Variants in ARHGEF15 observed in about 807,000 individuals in gnomAD.
The protein encoded by ARHGEF15 is Rho guanine nucleotide exchange factor (GEF) 15.
In ARHGEF15, 58 loss-of-function variants were observed where a neutral mutation model predicts 79.7. The ratio of observed to expected loss-of-function variants is 0.73; its 90% CI spans 0.59 to 0.91. The LOEUF (loss-of-function observed/expected upper bound fraction) is 0.91, where lower values mean the gene tolerates loss of function less well. Ranked by LOEUF, ARHGEF15 falls within the 40% of genes least tolerant of loss-of-function variation. ARHGEF15 has a pLI of 0.00. For missense variants in ARHGEF15, 1,012 were observed against 1,108.1 expected, an observed-to-expected ratio of 0.91 and a Z score of 1.23; for synonymous variants, 442 against 456.0, an observed-to-expected ratio of 0.97 and a Z score of 0.39.
In ARHGEF15 at chr17:8,315,463, G is replaced by A; in HGVS notation, c.1310G>A (p.Arg437Gln). ...TSEASYLRSLRLLTDTFVLSQ... is the reference protein window; with the variant it reads ...TSEASYLRSLQLLTDTFVLSQ... Reference sequence around the variant, plus strand: ...GAGGCTTCCTACCTGCGCTCCCTGCGGCTGCTGACCGACACCTTCGTGCTG... The same window carrying A: ...GAGGCTTCCTACCTGCGCTCCCTGCAGCTGCTGACCGACACCTTCGTGCTG... The change falls in exon 7 of 16, where the codon CGG becomes CAG. Residue 437 changes from arginine (R) to glutamine (Q), a missense_variant. Transcript: ENST00000361926. The surrounding 1 kb of genome is among the most constrained non-coding windows in gnomAD (Gnocchi z 4.3). The A allele has an allele frequency of 1.9e-6, 3 of 1,613,798 alleles. No individual in the cohort carries two copies. Among genetic ancestry groups the A allele is most frequent in the Non-Finnish European group, 2.5e-6 (3 of 1,180,004 alleles).
rs1442336687 is a variant in ARHGEF15 at position 8,318,551 on chromosome 17, C to T, written c.1780-19C>T. Reference sequence around the variant, plus strand: ...AGGGGGCTGGCCGCTGGGGTGGTGACACAGCTCCCCTTACCTAGATCATCG... The same window carrying T: ...AGGGGGCTGGCCGCTGGGGTGGTGATACAGCTCCCCTTACCTAGATCATCG... On this transcript the variant is annotated intron_variant, in intron 10 of 15. Transcript: ENST00000361926. The surrounding 1 kb of genome is among the most constrained non-coding windows in gnomAD (Gnocchi z 5.0). The T allele has an allele frequency of 6.2e-7, 1 of 1,612,566 alleles. No homozygotes were observed. Among genetic ancestry groups the T allele is most frequent in the Non-Finnish European group, 8.5e-7 (1 of 1,178,940 alleles).
chr17:8,312,927 G>T lies in ARHGEF15; in HGVS notation c.607G>T (p.Gly203Cys). 1 of 1,574,552 alleles carries T rather than the reference G, an allele frequency of 6.4e-7. No individual in the cohort carries two copies. The highest frequency in any genetic ancestry group is 8.6e-7 in the Non-Finnish European group (1 of 1,161,124). ...GSQENGAPDA[G>C]LACPPCCPCV... is the part of the protein sequence containing the mutation. ...AGGCTACCTGTCTCCCACAGATGCT[G>T]GCCTGGCCTGCCCTCCCTGCTGCCC... is the stretch of plus-strand genomic sequence containing the variant. Residue 203 changes from glycine to cysteine, a missense_variant, in exon 3 of 16, where the codon GGC becomes TGC. Gly to Cys is a radical substitution (Grantham distance 159). Around this residue, in one of 3 missense-constraint regions of ARHGEF15, gnomAD observed 818 missense variants for 882.5 expected, o/e 0.93. Coordinates refer to ENST00000361926, the MANE Select transcript of ARHGEF15 (RefSeq NM_173728.4).
rs147150644 is a variant in ARHGEF15 at position 8,319,558 on chromosome 17, C to T, written c.2329C>T (p.Leu777=). The change falls in exon 15 of 16, where the codon CTG becomes TTG. Residue 777 remains leucine, a synonymous_variant. Transcript: ENST00000361926. ...SAPAKTEGRS[L]ESRAAPKHLH... is the part of the protein sequence containing the mutation. ...ACCTGCCAAGACTGAAGGACGGAGTCTGGAGTCCAGGGCTGCCCCCAAACA... is the reference window on the plus strand; with the variant it reads ...ACCTGCCAAGACTGAAGGACGGAGTTTGGAGTCCAGGGCTGCCCCCAAACA... 11 of 1,611,134 alleles carry T rather than the reference C, an allele frequency of 6.8e-6. No individual in the cohort carries two copies. The highest frequency in any genetic ancestry group is 9.3e-6 in the Non-Finnish European group (11 of 1,179,130).
At position 8,321,142 on chromosome 17, in the gene ARHGEF15, A is replaced by T; in HGVS notation, c.*149A>T. The T allele has an allele frequency of 1.5e-5, 16 of 1,076,548 alleles. No homozygotes were observed. Among genetic ancestry groups the T allele is most frequent in the East Asian group, 2.6e-5 (1 of 38,256 alleles). 66.7% of individuals were successfully genotyped at this position (1,076,548 alleles called of 1,614,324 possible). A position where few individuals can be genotyped will look rare whatever the true frequency, so the allele number is the denominator to read the frequency against. On this transcript the variant is annotated 3_prime_UTR_variant, in exon 16 of 16. Coordinates refer to ENST00000361926, the MANE Select transcript of ARHGEF15 (RefSeq NM_173728.4). ...ATCGAGCTTCAGGACAGAGCAGCCA[A>T]TGAAAACGGCCGCCTGAACCCACAG... is the stretch of plus-strand genomic sequence containing the variant.
Position 8,316,165 on chromosome 17 carries a change from C to A in ARHGEF15, c.1704+17C>A, listed in dbSNP as rs773971384. On this transcript the variant is annotated intron_variant, in intron 9 of 15. Coordinates refer to ENST00000361926, the MANE Select transcript of ARHGEF15 (RefSeq NM_173728.4). ...CTGCTGCAGGTACCTGTCCCAGCTG[C>A]GGCCGTTTCTGCCCCACCAACCCCA... 1 of 1,596,828 alleles carries A rather than the reference C, an allele frequency of 6.3e-7. No individual in the cohort carries two copies. The highest frequency in any genetic ancestry group is 1.7e-5 in the Admixed American group (1 of 59,414).
chr17:8,318,363 G>A lies in ARHGEF15; in HGVS notation c.1705-24G>A. 1 of 1,610,108 alleles carries A rather than the reference G, an allele frequency of 6.2e-7. No individual in the cohort carries two copies. Among genetic ancestry groups the A allele is most frequent in the Non-Finnish European group, 8.5e-7 (1 of 1,178,290 alleles). ...CCAGGGCCACAGAGCAGGGGGCCCA[G>A]TCACCCTTCCTCCTTGTCCCCAGAA... On this transcript the variant is annotated intron_variant, in intron 9 of 15. Transcript: ENST00000361926. The surrounding 1 kb of genome is among the most constrained non-coding windows in gnomAD (Gnocchi z 5.0).
intron 9 of ARHGEF15, 121 bp downstream of exon 9, chr17:8,316,269 A>C (rs1432894362): frequency 4.3e-6 from 6 of 1,389,996 alleles, no homozygotes; most frequent in African/African-American, 2.9e-5. Context: ...AAATCCCCCA[A>C]ATCATAACTC....
intron 4 of ARHGEF15, among the ~76,000 whole-genome samples, chr17:8,314,399 G>A (rs1904867428): frequency 6.6e-6 from 1 of 152,274 alleles, no homozygotes; most frequent in African/African-American, 2.4e-5. Context: ...CAGCAGGGGA[G>A]ATAAGGGGCT....
At position 8,315,515 on chromosome 17, in the gene ARHGEF15, C is replaced by A. The variant is rs1376463435; in HGVS notation, c.1362C>A (p.Thr454=). 3.1e-6 allele frequency: 5 copies of A among 1,612,434 alleles called. No individual in the cohort carries two copies. Among genetic ancestry groups the A allele is most frequent in the African/African-American group, 1.3e-5 (1 of 74,896 alleles). The stretch of plus-strand genomic sequence containing the variant: ...GCCAGGCACTCCGGGACACGCTCAC[C>A]CCCCGTGATCACCACACACTCTTCT... ...VLSQALRDTL[T]PRDHHTLFSN... is the part of the protein sequence containing the mutation. Residue 454 remains threonine (T), a synonymous_variant, in exon 7 of 16, where the codon ACC becomes ACA. Transcript: ENST00000361926. The surrounding 1 kb of genome is among the most constrained non-coding windows in gnomAD (Gnocchi z 4.3).
Position 8,315,483 on chromosome 17 carries a change from G to T in ARHGEF15, c.1330G>T (p.Val444Leu). Reference sequence around the variant, plus strand: ...CCTGCGGCTGCTGACCGACACCTTCGTGCTGAGCCAGGCACTCCGGGACAC... The same window carrying T: ...CCTGCGGCTGCTGACCGACACCTTCTTGCTGAGCCAGGCACTCCGGGACAC... ...RSLRLLTDTF[V>L]LSQALRDTLT... The change falls in exon 7 of 16, where the codon GTG becomes TTG. Residue 444 changes from valine (V) to leucine (L), a missense_variant. Physicochemically the swap from Val to Leu is conservative, Grantham distance 32 (BLOSUM62 1). Transcript: ENST00000361926. The surrounding 1 kb of genome is among the most constrained non-coding windows in gnomAD (Gnocchi z 4.3). 1.2e-6 allele frequency: 2 copies of T among 1,613,630 alleles called. No individual in the cohort carries two copies. Among genetic ancestry groups the T allele is most frequent in the Non-Finnish European group, 1.7e-6 (2 of 1,180,022 alleles).
Position 8,313,028 on chromosome 17 carries a change from G to T in ARHGEF15, c.708G>T (p.Arg236Ser). 1 of 1,613,218 alleles carries T rather than the reference G, an allele frequency of 6.2e-7. No individual in the cohort carries two copies. Among genetic ancestry groups the T allele is most frequent in the South Asian group, 1.1e-5 (1 of 91,046 alleles). ...TGGGGGGCTATGAGGAGGTCCCCAG[G>T]GTCCCCCGTCGGGCCTCCCCGCTGC... ...VPVGGYEEVP[R>S]VPRRASPLRT... is the part of the protein sequence containing the mutation. Residue 236 changes from arginine to serine, a missense_variant, in exon 3 of 16, where the codon AGG becomes AGT. Arg to Ser is a moderately radical substitution (Grantham distance 110). Coordinates refer to ENST00000361926, the MANE Select transcript of ARHGEF15 (RefSeq NM_173728.4).
rs996540630 is a variant in ARHGEF15, at chr17:8,318,882, G to A, written c.2005G>A (p.Asp669Asn). 3 of 1,612,784 alleles carry A rather than the reference G, an allele frequency of 1.9e-6. No individual in the cohort carries two copies. Among genetic ancestry groups the A allele is most frequent in the African/African-American group, 1.3e-5 (1 of 74,998 alleles). Residue 669 changes from aspartate to asparagine, a missense_variant, in exon 12 of 16, where the codon GAC (aspartate) becomes AAC (asparagine). Physicochemically the swap from Asp to Asn is conservative, Grantham distance 23 (BLOSUM62 1). Transcript: ENST00000361926. The surrounding 1 kb of genome is among the most constrained non-coding windows in gnomAD (Gnocchi z 5.0). Reference sequence around the variant, plus strand: ...CCCTCTTTGCCTGCTGCTCTTTAGCGACCTGCTGCTCATCACTCAGCCTAA... The same window carrying A: ...CCCTCTTTGCCTGCTGCTCTTTAGCAACCTGCTGCTCATCACTCAGCCTAA... ...FTPLCLLLFSDLLLITQPKSG... is the reference protein window; with the variant it reads ...FTPLCLLLFSNLLLITQPKSG...
rs112273929 is a variant in ARHGEF15 at position 8,317,930 on chromosome 17, G to A, written c.1705-457G>A. 6.3e-3 allele frequency among the ~76,000 whole-genome samples: 960 copies of A among 152,094 alleles called. 13 individuals are homozygous for A. Among genetic ancestry groups the A allele is most frequent in the African/African-American group, 0.022 (908 of 41,456 alleles). ...AAAAATACAAAAAAATTAGTCGGGCGTGGTGGCACACGTCTGTAATCCCAG... is the reference window on the plus strand; with the variant it reads ...AAAAATACAAAAAAATTAGTCGGGCATGGTGGCACACGTCTGTAATCCCAG... On this transcript the variant is annotated intron_variant, in intron 9 of 15. Transcript: ENST00000361926.
In ARHGEF15 at chr17:8,317,884, T is replaced by C. The variant is rs1477592095; in HGVS notation, c.1705-503T>C. 3.3e-5 allele frequency among the ~76,000 whole-genome samples: 5 copies of C among 152,036 alleles called. No individual in the cohort carries two copies. In the South Asian group the frequency reaches 8.3e-4, roughly 25 times the overall value. ...GAGTTCAAGACCAGCCTGGCCAACA[T>C]GGTGAAACCCCGCTTCTACTAAAAA... On this transcript the variant is annotated intron_variant, in intron 9 of 15. Transcript: ENST00000361926.
chr17:8,317,511 A>AAT (rs1905103552), intron 9 of ARHGEF15, among the ~76,000 whole-genome samples: 1 of 152,200 alleles, frequency 6.6e-6, no homozygotes, highest in Non-Finnish European at 1.5e-5. Flanking sequence ...TAATGATACT[A>AAT]ATCAAAATAG....
chr17:8,318,534 G>T lies in ARHGEF15; in HGVS notation c.1780-36G>T. ...GAGAAATGGTAGGGAGCAGGGGGCT[G>T]GCCGCTGGGGTGGTGACACAGCTCC... On this transcript the variant is annotated intron_variant, in intron 10 of 15. Coordinates refer to ENST00000361926, the MANE Select transcript of ARHGEF15 (RefSeq NM_173728.4). This position sits in a 1 kb window ranked among gnomAD's most constrained non-coding sequence, Gnocchi z 5.0. 2 of 1,612,516 alleles carry T rather than the reference G, an allele frequency of 1.2e-6. No individual in the cohort carries two copies. The highest frequency in any genetic ancestry group is 1.7e-6 in the Non-Finnish European group (2 of 1,178,912).
Position 8,319,045 on chromosome 17 carries a change from C to G in ARHGEF15, c.2072C>G (p.Ser691Cys), listed in dbSNP as rs565057036. 1 of 1,613,996 alleles carries G rather than the reference C, an allele frequency of 6.2e-7. No homozygotes were observed. The highest frequency in any genetic ancestry group is 1.3e-5 in the African/African-American group (1 of 75,010). ...CAGGTTCTGGACTATGCCCATCGCT[C>G]CCTGGTCCAGGCCCAGCAGGTTCCG... ...RLQVLDYAHR[S>C]LVQAQQVPDP... The change falls in exon 13 of 16, where the codon TCC becomes TGC. Residue 691 changes from serine (S) to cysteine (C), a missense_variant. Coordinates refer to ENST00000361926, the MANE Select transcript of ARHGEF15 (RefSeq NM_173728.4).
chr17:8,319,488 C>T lies in ARHGEF15; in HGVS notation c.2270-11C>T, dbSNP rs1199924217. The stretch of plus-strand genomic sequence containing the variant: ...AACAGAATCACTTTAATGTCACCCA[C>T]CCCCAACCAGACTGTTCCCAGGAAC... On this transcript the variant is annotated splice_polypyrimidine_tract_variant and intron_variant, in intron 14 of 15. Transcript: ENST00000361926. 6 of 1,592,788 alleles carry T rather than the reference C, an allele frequency of 3.8e-6. No homozygotes were observed. Among genetic ancestry groups the T allele is most frequent in the Non-Finnish European group, 5.1e-6 (6 of 1,170,280 alleles).
intron 4 of ARHGEF15, 73 bp downstream of exon 4, chr17:8,313,628 C>A: frequency 6.7e-7 from 1 of 1,492,286 alleles, no homozygotes; most frequent in African/African-American, 1.4e-5. Context: ...GACTAACCTT[C>A]AGCTCCAGCT....
Sources: gnomAD v4.1 joint callset for allele counts (sites outside exome capture counted in the v4.1 genomes callset) on GRCh38, gnomAD v4.1.1 for gene constraint, gnomAD v4.1.1 regional missense constraint, Gnocchi (gnomAD v3.1) non-coding constraint, MANE v1.5 for transcripts, NCBI Gene and HGNC (gene_info 2026-07-23, HGNC 2026-07-21) for gene names.